ADAMTSL1: variants seen among roughly 807,000 people sequenced by gnomAD.
ADAMTSL1 encodes the protein ADAMTS-like protein 1.
ADAMTSL1 carries 126 observed loss-of-function variants against 201.8 expected under a neutral mutation model. That is an observed-to-expected ratio of 0.62 (90% CI 0.54 to 0.72). The LOEUF (loss-of-function observed/expected upper bound fraction) is 0.72. ADAMTSL1 is among the 30% of genes least tolerant of loss of function. The probability of loss-of-function intolerance (pLI) is 0.00; values close to 1 mark genes in which losing one functional copy is unlikely to be tolerated. For synonymous variants in ADAMTSL1, 1,121 were observed against 903.4 expected, an observed-to-expected ratio of 1.24 and a Z score of -4.32; for missense variants, 2,679 against 2,277.8, an observed-to-expected ratio of 1.18 and a Z score of -3.59.
chr9:18,484,729 G>C (rs1821899675), intron 1 of ADAMTSL1, among the ~76,000 whole-genome samples: 1 of 152,178 alleles, frequency 6.6e-6, no homozygotes, highest in Middle Eastern at 3.2e-3. Flanking sequence ...AAGCAGGACT[G>C]TCTTGGCTGC....
At chr9:18,054,513 G>T (rs948398276) in intron 1 of ADAMTSL1, among the ~76,000 whole-genome samples, 1 of 152,136 alleles carries the variant, frequency 6.6e-6, no homozygotes, top group Non-Finnish European at 1.5e-5. Flanking sequence ...GTGTTGGAGT[G>T]GTACTAACAT....
chr9:18,825,778 T>A (rs1190885744), intron 21 of ADAMTSL1, among the ~76,000 whole-genome samples: 1 of 151,666 alleles, frequency 6.6e-6, no homozygotes, highest in East Asian at 1.9e-4. Flanking sequence ...CAGGTTTTTT[T>A]TTTTTTACTT....
intron 1 of ADAMTSL1, among the ~76,000 whole-genome samples, chr9:17,960,324 T>C (rs1350168939): frequency 6.6e-6 from 1 of 152,194 alleles, no homozygotes; most frequent in Non-Finnish European, 1.5e-5. Context: ...TATGTCAGCC[T>C]TGAGGGACAC....
At chr9:18,207,800 AGT>A (rs34184733) in intron 2 of ADAMTSL1, among the ~76,000 whole-genome samples, 18,685 of 152,116 alleles carry the variant, frequency 0.12, 1,314 homozygotes, top group East Asian at 0.24. Context: ...AACAATACAG[AGT>A]GTTAAAAAAG....
intron 4 of ADAMTSL1, among the ~76,000 whole-genome samples, chr9:18,591,119 G>T (rs1341302144): frequency 6.6e-6 from 1 of 152,086 alleles, no homozygotes; most frequent in East Asian, 1.9e-4. Context: ...ATTGCTAAAA[G>T]TGGGGTGCCC....
chr9:18,401,942 T>A (rs1818002724), intron 2 of ADAMTSL1, among the ~76,000 whole-genome samples: 1 of 152,200 alleles, frequency 6.6e-6, no homozygotes, highest in Non-Finnish European at 1.5e-5. Flanking sequence ...AAATATTAAA[T>A]GTGCATATAT....
At chr9:18,369,798 C>T (rs1351802725) in intron 2 of ADAMTSL1, among the ~76,000 whole-genome samples, 2 of 152,136 alleles carry the variant, frequency 1.3e-5, no homozygotes, top group Admixed American at 1.3e-4. Flanking sequence ...ATCTATACAC[C>T]ATGGATACTA....
At chr9:18,849,805 G>A (rs1182723830) in intron 23 of ADAMTSL1, among the ~76,000 whole-genome samples, 1 of 152,136 alleles carries the variant, frequency 6.6e-6, no homozygotes, top group African/African-American at 2.4e-5. Context: ...AAGAAGAAAG[G>A]TCAGCATTTT....
intron 1 of ADAMTSL1, among the ~76,000 whole-genome samples, chr9:18,094,352 A>G (rs911926174): frequency 3.9e-5 from 6 of 152,194 alleles, no homozygotes; most frequent in African/African-American, 1.4e-4. Context: ...TACTCACCAT[A>G]TATACTACCA....
chr9:18,469,353 T>A (rs966226784), upstream of ADAMTSL1, among the ~76,000 whole-genome samples: 5 of 152,222 alleles, frequency 3.3e-5, no homozygotes, highest in African/African-American at 1.2e-4. Flanking sequence ...TAATTCTCTA[T>A]GCCTCAGTGT....
intron 15 of ADAMTSL1, among the ~76,000 whole-genome samples, chr9:18,746,313 G>A (rs961759060): frequency 1.3e-5 from 2 of 152,138 alleles, no homozygotes; most frequent in Non-Finnish European, 2.9e-5. Flanking sequence ...GACCCTGTAC[G>A]TGCCCCTCCT....
chr9:18,053,002 A>G (rs1318611), intron 1 of ADAMTSL1, among the ~76,000 whole-genome samples: 7,232 of 152,248 alleles, frequency 0.048, 428 homozygotes, highest in African/African-American at 0.14. Flanking sequence ...TCAATCTTTA[A>G]AGTAAACTTG....
chr9:18,536,675 TA>T (rs1475611872), intron 3 of ADAMTSL1, among the ~76,000 whole-genome samples: 1 of 152,164 alleles, frequency 6.6e-6, no homozygotes, highest in Non-Finnish European at 1.5e-5. Flanking sequence ...TGCTCTATTC[TA>T]AGGAAGCAGC....
chr9:18,891,280 T>C (rs1224953669), intron 25 of ADAMTSL1, among the ~76,000 whole-genome samples: 3 of 152,124 alleles, frequency 2.0e-5, no homozygotes, highest in African/African-American at 4.8e-5. Context: ...GCCCTGGTTG[T>C]CTCTTTGAGA....
intron 1 of ADAMTSL1, among the ~76,000 whole-genome samples, chr9:17,943,511 T>C (rs978608111): frequency 2.0e-5 from 3 of 152,138 alleles, no homozygotes; most frequent in African/African-American, 7.2e-5. Context: ...CCAAAGTTCC[T>C]GTTTAAAGTA....
chr9:18,824,647 C>T (rs1216613998), intron 21 of ADAMTSL1, among the ~76,000 whole-genome samples: 1 of 150,340 alleles, frequency 6.7e-6, no homozygotes, highest in Non-Finnish European at 1.5e-5. Flanking sequence ...GGTCTGGCTC[C>T]TTGGCCATTC....
intron 4 of ADAMTSL1, among the ~76,000 whole-genome samples, chr9:18,621,468 G>T (rs1351504099): frequency 6.6e-6 from 1 of 151,608 alleles, no homozygotes; most frequent in African/African-American, 2.4e-5. Context: ...TGAGATATTT[G>T]TACTGTGCCT....
chr9:18,575,642 GGAAT>G (rs1822666455), intron 4 of ADAMTSL1, among the ~76,000 whole-genome samples: 1 of 152,140 alleles, frequency 6.6e-6, no homozygotes, highest in South Asian at 2.1e-4. Flanking sequence ...TGTGTTGTAG[GGAAT>G]GGCAAACAAA....
intron 15 of ADAMTSL1, chr9:18,723,399 G>A (rs1043698674): frequency 1.3e-5 from 5 of 386,256 alleles, no homozygotes; most frequent in African/African-American, 2.1e-5. Context: ...CAGTGCCTGG[G>A]ACTTGCTTAA....
Sources: allele counts gnomAD v4.1 joint callset (sites outside exome capture counted in the v4.1 genomes callset), GRCh38; gene constraint gnomAD v4.1.1; transcripts MANE v1.5; gene names NCBI Gene and HGNC (gene_info 2026-07-23, HGNC 2026-07-21).